VPS13A: variants seen among roughly 807,000 people sequenced by gnomAD.
The protein encoded by VPS13A is intermembrane lipid transfer protein VPS13A.
A neutral mutation model predicts 390.9 loss-of-function variants in VPS13A; 264 were observed. That is an observed-to-expected ratio of 0.68 (90% confidence interval 0.61 to 0.75). The LOEUF (loss-of-function observed/expected upper bound fraction) is 0.75. VPS13A is among the 30% of genes least tolerant of loss of function. The pLI, the probability that VPS13A is intolerant of heterozygous loss-of-function variation, is 0.00. For missense variants in VPS13A, 3,409 were observed against 3,733.9 expected, an observed-to-expected ratio of 0.91 and a Z score of 2.27; for synonymous variants, 1,231 against 1,227.1, an observed-to-expected ratio of 1.00 and a Z score of -0.07.
At chr9:77,415,403 T>C (rs182984742) in intron 71 of VPS13A, among the ~76,000 whole-genome samples, 91 of 152,334 alleles carry the variant, frequency 6.0e-4, no homozygotes, top group African/African-American at 2.0e-3. Flanking sequence ...GAATAAGCCC[T>C]GTATCACCTC....
rs113570268 is a variant in VPS13A, at chr9:77,379,856, G to A, written c.9078-2120G>A. 1.8e-3 allele frequency among the ~76,000 whole-genome samples: 280 copies of A among 152,282 alleles called. 1 individual carries two copies. The highest frequency in any genetic ancestry group is 6.3e-3 in the African/African-American group (263 of 41,556). On this transcript the variant is annotated intron_variant, in intron 67 of 71. Coordinates refer to ENST00000360280, the MANE Select transcript of VPS13A (RefSeq NM_033305.3). ...TGGTTTGAACGTTCTATAGACATCT[G>A]TTGGGTCTAGTGGATTATAGTGTTA...
rs747054782 is a variant in VPS13A at position 77,206,038 on chromosome 9, T to A, written c.344T>A (p.Leu115Gln). ...CTCATGGAAGCAAAGCAACAGGAAC[T>A]GAAAAGAATAGAAGAAGCAAAACAA... ...KQLMEAKQQE[L>Q]KRIEEAKQKV... Residue 115 changes from leucine to glutamine, a missense_variant, in exon 5 of 72, where the codon CTG (leucine) becomes CAG (glutamine). Leu to Gln is a moderately radical substitution (Grantham distance 113). This residue lies in a region of VPS13A where 2,717 missense variants were observed against 2,917.4 expected (regional missense o/e 0.93). Coordinates refer to ENST00000360280, the MANE Select transcript of VPS13A (RefSeq NM_033305.3). The A allele has an allele frequency of 6.3e-7, 1 of 1,584,322 alleles. No homozygotes were observed. Among genetic ancestry groups the A allele is most frequent in the Non-Finnish European group, 8.6e-7 (1 of 1,163,380 alleles).
chr9:77,385,875 A>G (rs1025555430), intron 68 of VPS13A, among the ~76,000 whole-genome samples: 2 of 151,646 alleles, frequency 1.3e-5, no homozygotes, highest in African/African-American at 4.8e-5. Context: ...GTTTTTTGAA[A>G]GTGACTACTT....
At chr9:77,384,396 A>G (rs1223374964) in intron 68 of VPS13A, among the ~76,000 whole-genome samples, 1 of 151,922 alleles carries the variant, frequency 6.6e-6, no homozygotes, top group Non-Finnish European at 1.5e-5. Context: ...TGTACCAACT[A>G]GTGGAATTGT....
chr9:77,375,179 C>G (rs1475636206), intron 67 of VPS13A, among the ~76,000 whole-genome samples: 1 of 152,048 alleles, frequency 6.6e-6, no homozygotes, highest in Non-Finnish European at 1.5e-5. Context: ...TTATCTAAAA[C>G]CTTATAATTC....
At chr9:77,191,971 TG>T (rs1435609556) in intron 1 of VPS13A, among the ~76,000 whole-genome samples, 5 of 152,158 alleles carry the variant, frequency 3.3e-5, no homozygotes, top group African/African-American at 4.8e-5. Context: ...TATTATTGTG[TG>T]GTTGTGCAAG....
intron 1 of VPS13A, among the ~76,000 whole-genome samples, chr9:77,194,976 A>T (rs1234790771): frequency 6.6e-6 from 1 of 152,066 alleles, no homozygotes; most frequent in East Asian, 1.9e-4. Flanking sequence ...CATTTGACGA[A>T]GTCCAATTCA....
At chr9:77,376,895 G>A (rs1833109129) in intron 67 of VPS13A, among the ~76,000 whole-genome samples, 1 of 152,052 alleles carries the variant, frequency 6.6e-6, no homozygotes. Context: ...TAGAAGTTGG[G>A]GAAATGAGGA....
chr9:77,373,167 C>T (rs1359330548), intron 67 of VPS13A, among the ~76,000 whole-genome samples: 17 of 151,202 alleles, frequency 1.1e-4, no homozygotes, highest in Middle Eastern at 3.4e-3. Flanking sequence ...AAAAAGAGCC[C>T]GCATCGCCAA....
intron 22 of VPS13A, among the ~76,000 whole-genome samples, chr9:77,254,400 A>T (rs1362325548): frequency 6.6e-6 from 1 of 152,078 alleles, no homozygotes. Flanking sequence ...ATTGGTCTCT[A>T]TGTCTTTATT....
At chr9:77,386,758 A>T (rs1833703952) in intron 68 of VPS13A, among the ~76,000 whole-genome samples, 1 of 144,992 alleles carries the variant, frequency 6.9e-6, no homozygotes, top group Non-Finnish European at 1.5e-5. Context: ...CCCAGGCTGG[A>T]GTGCAGTGGC....
At chr9:77,376,225 C>T (rs558451124) in intron 67 of VPS13A, among the ~76,000 whole-genome samples, 14 of 152,126 alleles carry the variant, frequency 9.2e-5, no homozygotes, top group Admixed American at 8.5e-4. Flanking sequence ...GAGTGAGGAA[C>T]GGGGAAAGTT....
rs1002191647 is a variant in VPS13A, at chr9:77,177,600, C to A, written c.-105C>A. ...CCAGCGGGGGCGCCGCAGCTGAAGC[C>A]GCCCCGGAGCCGGTGAACCGAATTA... On this transcript the variant is annotated 5_prime_UTR_variant, in exon 1 of 72. Transcript: ENST00000360280. 5.6e-5 allele frequency: 60 copies of A among 1,077,934 alleles called. No homozygotes were observed. The highest frequency in any genetic ancestry group is 8.1e-5 in the Non-Finnish European group (59 of 726,046). 66.8% of individuals were successfully genotyped at this position (1,077,934 alleles called of 1,614,324 possible).
rs1832001850 is a variant in VPS13A at position 77,359,315 on chromosome 9, T to C, written c.8036-18T>C. 1.2e-6 allele frequency: 2 copies of C among 1,610,294 alleles called. No individual in the cohort carries two copies. Among genetic ancestry groups the C allele is most frequent in the Non-Finnish European group, 1.7e-6 (2 of 1,176,790 alleles). Reference sequence around the variant, plus strand: ...GCTTAAAGCATCATGGGAGTAATTATATTTATAACCTTTACAGCACCAAAG... The same window carrying C: ...GCTTAAAGCATCATGGGAGTAATTACATTTATAACCTTTACAGCACCAAAG... On this transcript the variant is annotated intron_variant, in intron 57 of 71. Transcript: ENST00000360280.
intron 23 of VPS13A, among the ~76,000 whole-genome samples, chr9:77,268,849 A>AGAAT (rs1391250812): frequency 2.0e-5 from 3 of 152,014 alleles, no homozygotes; most frequent in Non-Finnish European, 2.9e-5. Flanking sequence ...CTGAGGTAGG[A>AGAAT]GAATCACTTG....
Position 77,361,686 on chromosome 9 carries a change from C to A in VPS13A, c.8211+1045C>A, listed in dbSNP as rs142666092. ...TTTATTAGAAGTGGAATTGCTCAAT[C>A]ACATAGTAACCTTATATTTAATCAT... On this transcript the variant is annotated intron_variant, in intron 59 of 71. Transcript: ENST00000360280. 6.9e-3 allele frequency among the ~76,000 whole-genome samples: 1,052 copies of A among 152,166 alleles called. 15 individuals carry two copies. The highest frequency in any genetic ancestry group is 0.024 in the African/African-American group (981 of 41,546).
Position 77,408,865 on chromosome 9 carries a change from G to T in VPS13A, c.9474+1258G>T, listed in dbSNP as rs1315128409. 2.0e-5 allele frequency among the ~76,000 whole-genome samples: 3 copies of T among 152,216 alleles called. No homozygotes were observed. The East Asian group carries it at 5.8e-4, about 29-fold the overall frequency. ...GCCTGCCTCTGTAGACTCCACCTCT[G>T]GGGGCAGGGCACAGCCAAACAAAAG... On this transcript the variant is annotated intron_variant, in intron 71 of 71. Coordinates refer to ENST00000360280, the MANE Select transcript of VPS13A (RefSeq NM_033305.3).
intron 36 of VPS13A, 120 bp downstream of exon 36, chr9:77,314,239 A>C: frequency 8.7e-7 from 1 of 1,145,690 alleles, no homozygotes; most frequent in Non-Finnish European, 1.2e-6. Context: ...CCTCTGAGAA[A>C]AATGATCTTT....
rs546462544 is a variant in VPS13A at position 77,253,463 on chromosome 9, G to A, written c.2288+1111G>A. 9.2e-5 allele frequency among the ~76,000 whole-genome samples: 14 copies of A among 151,980 alleles called. 1 individual carries two copies. The highest frequency in any genetic ancestry group is 2.9e-4 in the African/African-American group (12 of 41,444). The stretch of plus-strand genomic sequence containing the variant: ...TGGGACTACAAGCGCATGCCACCAC[G>A]CCCAGCTAATTTTTTGGGTTTTTGG... On this transcript the variant is annotated intron_variant, in intron 22 of 71. Transcript: ENST00000360280.
Sources: allele counts gnomAD v4.1 joint callset (sites outside exome capture counted in the v4.1 genomes callset), GRCh38; gene constraint gnomAD v4.1.1; regional missense constraint gnomAD v4.1.1; transcripts MANE v1.5; gene names NCBI Gene and HGNC (gene_info 2026-07-23, HGNC 2026-07-21).